Variants in LAMA3 observed in about 807,000 individuals in gnomAD.
LAMA3 encodes the protein laminin subunit alpha-3.
A neutral mutation model predicts 402.0 loss-of-function variants in LAMA3; 281 were observed. That is an observed-to-expected ratio of 0.70 (90% confidence interval 0.63 to 0.77). The LOEUF (loss-of-function observed/expected upper bound fraction) is 0.77. Among genes scored for constraint, LAMA3 ranks in the 30% least tolerant of loss-of-function variants. The pLI is 0.00. For missense variants in LAMA3, 3,840 were observed against 4,215.5 expected (o/e 0.91, Z 2.47); for synonymous variants, 1,431 against 1,558.4 (o/e 0.92, Z 1.93).
At chr18:23,840,640 C>G (rs2063681805) in intron 27 of LAMA3, among the ~76,000 whole-genome samples, 1 of 151,856 alleles carries the variant, frequency 6.6e-6, no homozygotes, top group African/African-American at 2.4e-5. Context: ...CCCCACTGCA[C>G]CTTGCAGGTA....
At chr18:23,776,999 C>T (rs925145954) in intron 10 of LAMA3, among the ~76,000 whole-genome samples, 3 of 152,022 alleles carry the variant, frequency 2.0e-5, no homozygotes, top group Non-Finnish European at 4.4e-5. Context: ...TGCCACCACG[C>T]CTGGCTAATT....
At chr18:23,772,233 G>T (rs1413032329) in intron 8 of LAMA3, among the ~76,000 whole-genome samples, 2 of 152,052 alleles carry the variant, frequency 1.3e-5, no homozygotes, top group African/African-American at 4.8e-5. Flanking sequence ...GCAGAGACGG[G>T]GTTTCACCAT....
intron 60 of LAMA3, among the ~76,000 whole-genome samples, chr18:23,917,859 G>A (rs925092204): frequency 4.6e-5 from 7 of 152,078 alleles, no homozygotes; most frequent in African/African-American, 1.7e-4. Context: ...TCATTGTGCA[G>A]AAGCTCTTTA....
chr18:23,739,903 T>A (rs2061534930), intron 2 of LAMA3, among the ~76,000 whole-genome samples: 1 of 152,224 alleles, frequency 6.6e-6, no homozygotes, highest in Admixed American at 6.5e-5. Context: ...GGTTGCTGGT[T>A]ATTAAAGTTG....
At position 23,912,692 on chromosome 18, in the gene LAMA3, T is replaced by C. The variant is rs761336710; in HGVS notation, c.7159-19T>C. 6.8e-6 allele frequency: 11 copies of C among 1,611,336 alleles called. No homozygotes were observed. The highest frequency in any genetic ancestry group is 8.5e-6 in the Non-Finnish European group (10 of 1,177,592). ...CTTCACAGGACAGTGTTTGACACCA[T>C]GTAACTTACTCCTCACAGGTTGCTG... On this transcript the variant is annotated intron_variant, in intron 55 of 74. Coordinates refer to ENST00000313654, the MANE Select transcript of LAMA3 (RefSeq NM_198129.4).
chr18:23,933,756 A>G (rs370659080), intron 66 of LAMA3, 26 bp from the exon 67 acceptor site: 2 of 1,613,466 alleles, frequency 1.2e-6, no homozygotes, highest in Non-Finnish European at 1.7e-6. Context: ...GTTTGGCAGC[A>G]TCTTTCATTT....
intron 9 of LAMA3, among the ~76,000 whole-genome samples, chr18:23,774,215 T>C (rs918391528): frequency 1.3e-5 from 2 of 152,190 alleles, no homozygotes; most frequent in Non-Finnish European, 2.9e-5. Context: ...AGAGTGAGAC[T>C]CTGTCTCAGA....
At chr18:23,882,652 A>C (rs986712277) in intron 40 of LAMA3, among the ~76,000 whole-genome samples, 3 of 151,590 alleles carry the variant, frequency 2.0e-5, no homozygotes, top group Non-Finnish European at 4.4e-5. Context: ...CGTCTTTCCA[A>C]GTTGTATACT....
intron 60 of LAMA3, among the ~76,000 whole-genome samples, chr18:23,919,256 C>T (rs1400185326): frequency 6.6e-6 from 1 of 152,156 alleles, no homozygotes; most frequent in African/African-American, 2.4e-5. Flanking sequence ...TAGAAAAGAA[C>T]TCGGTCCCTG....
rs762404633 is a variant in LAMA3, at chr18:23,915,365, T to C, written c.7721T>C (p.Leu2574Ser). 6.2e-7 allele frequency: 1 copy of C among 1,613,796 alleles called. No individual in the cohort carries two copies. Among genetic ancestry groups the C allele is most frequent in the South Asian group, 1.1e-5 (1 of 91,078 alleles). ...GACCTCAATGAAAATGTTCTGAGCTTGTACAACTTCAAAAAAACATTCAAT... is the reference window on the plus strand; with the variant it reads ...GACCTCAATGAAAATGTTCTGAGCTCGTACAACTTCAAAAAAACATTCAAT... Reference protein sequence around the residue: ...LDDLNENVLSLYNFKKTFNLN... With the variant: ...LDDLNENVLSSYNFKKTFNLN... Residue 2574 changes from leucine (L) to serine (S), a missense_variant, in exon 59 of 75, where the codon TTG (leucine) becomes TCG (serine). Leu to Ser is a moderately radical substitution (Grantham distance 145, BLOSUM62 -2). This residue lies in a region of LAMA3 where 840 missense variants were observed against 981.9 expected (regional missense o/e 0.86). Transcript: ENST00000313654.
chr18:23,913,640 T>C (rs1190042602), intron 56 of LAMA3, among the ~76,000 whole-genome samples: 1 of 152,242 alleles, frequency 6.6e-6, no homozygotes, highest in African/African-American at 2.4e-5. Context: ...TTGTTAGTTG[T>C]CACTAGTGGA....
chr18:23,714,461 A>G (rs2061058211), intron 2 of LAMA3, among the ~76,000 whole-genome samples: 1 of 152,152 alleles, frequency 6.6e-6, no homozygotes. Context: ...TGGAGGTTGC[A>G]GTGAGCCAAG....
intron 12 of LAMA3, among the ~76,000 whole-genome samples, chr18:23,793,159 A>G (rs1210327853): frequency 6.6e-6 from 1 of 152,104 alleles, no homozygotes; most frequent in Non-Finnish European, 1.5e-5. Flanking sequence ...GCTGGGACAT[A>G]GGGGCTACCC....
chr18:23,920,444 G>A (rs1162539801), intron 60 of LAMA3, among the ~76,000 whole-genome samples: 1 of 152,076 alleles, frequency 6.6e-6, no homozygotes, highest in Non-Finnish European at 1.5e-5. Context: ...TGGGGAGGAA[G>A]GAGTCCTGTG....
chr18:23,944,297 A>G (rs2082631681), intron 69 of LAMA3, among the ~76,000 whole-genome samples: 1 of 152,108 alleles, frequency 6.6e-6, no homozygotes, highest in African/African-American at 2.4e-5. Flanking sequence ...GCCAATTTCC[A>G]GGCCTCCAGG....
intron 12 of LAMA3, among the ~76,000 whole-genome samples, chr18:23,793,754 A>T (rs2062708596): frequency 6.6e-6 from 1 of 152,142 alleles, no homozygotes; most frequent in African/African-American, 2.4e-5. Context: ...AGTGTCCTCC[A>T]ATTCAATTCT....
At position 23,884,807 on chromosome 18, in the gene LAMA3, G is replaced by T; in HGVS notation, c.5257G>T (p.Val1753Leu). ...ATGCVVNGGD[V>L]RCSCKAGYTG... The stretch of plus-strand genomic sequence containing the variant: ...TGGCTGTGTGGTGAATGGGGGAGAC[G>T]TGCGGTGCTCCTGCAAAGCTGGGTA... Residue 1753 changes from valine (V) to leucine (L), a missense_variant, in exon 41 of 75, where the codon GTG (valine) becomes TTG (leucine). Transcript: ENST00000313654. 6.2e-7 allele frequency: 1 copy of T among 1,613,764 alleles called. No individual in the cohort carries two copies. The highest frequency in any genetic ancestry group is 8.5e-7 in the Non-Finnish European group (1 of 1,179,898).
At chr18:23,820,383 G>A (rs1383350678) in intron 19 of LAMA3, among the ~76,000 whole-genome samples, 1 of 152,210 alleles carries the variant, frequency 6.6e-6, no homozygotes, top group African/African-American at 2.4e-5. Flanking sequence ...ACAAAAATGA[G>A]TTGGCTTAAG....
In LAMA3 at chr18:23,775,858, C is replaced by T. The variant is rs372737867; in HGVS notation, c.1340C>T (p.Pro447Leu). ...EQGSGRCHCK[P>L]NFHGDNCEKC... is the part of the protein sequence containing the mutation. ...GGTTCAGGCCGCTGTCACTGCAAGC[C>T]AAATTTCCACGGAGACAACTGTGAG... The change falls in exon 10 of 75, where the codon CCA (proline) becomes CTA (leucine). Residue 447 changes from proline to leucine, a missense_variant. By Grantham distance (98) the Pro-to-Leu change is moderately conservative. Around this residue, in one of 3 missense-constraint regions of LAMA3, gnomAD observed 2,109 missense variants for 2,376.0 expected, o/e 0.89. Transcript: ENST00000313654. 4.8e-5 allele frequency: 78 copies of T among 1,613,902 alleles called. No individual in the cohort carries two copies. The highest frequency in any genetic ancestry group is 5.9e-5 in the Non-Finnish European group (70 of 1,179,912).
Sources: gnomAD v4.1 joint callset for allele counts (sites outside exome capture counted in the v4.1 genomes callset) on GRCh38, gnomAD v4.1.1 for gene constraint, gnomAD v4.1.1 regional missense constraint, MANE v1.5 for transcripts, NCBI Gene and HGNC (gene_info 2026-07-23, HGNC 2026-07-21) for gene names.